PKHD1L1: variants seen among roughly 807,000 people sequenced by gnomAD.
PKHD1L1 encodes PKHD1 like 1, also known as fibrocystin-L.
Under a neutral mutation model 462.9 loss-of-function variants are expected in PKHD1L1, and 434 were observed. That is an observed-to-expected ratio of 0.94 (90% CI 0.87 to 1.02). The LOEUF is 1.02. Among genes scored for constraint, PKHD1L1 ranks in the 50% least tolerant of loss-of-function variants. The pLI is 0.00. For missense variants in PKHD1L1, 5,202 were observed against 5,096.1 expected (o/e 1.02, Z -0.63); for synonymous variants, 1,781 against 1,750.0 (o/e 1.02, Z -0.44).
intron 65 of PKHD1L1, 130 bp downstream of exon 65, chr8:109,497,402 C>T (rs1819155310): frequency 9.0e-7 from 1 of 1,110,308 alleles, no homozygotes; most frequent in African/African-American, 1.6e-5. Flanking sequence ...TGCCTTTGTT[C>T]CCACTGCCCT....
At chr8:109,370,980 T>C (rs1484182175) in intron 2 of PKHD1L1, among the ~76,000 whole-genome samples, 1 of 152,224 alleles carries the variant, frequency 6.6e-6, no homozygotes, top group Non-Finnish European at 1.5e-5. Context: ...CGTGTGCATG[T>C]GTCTTTATAG....
intron 50 of PKHD1L1, among the ~76,000 whole-genome samples, chr8:109,473,551 G>T (rs1023871816): frequency 1.3e-5 from 2 of 151,366 alleles, no homozygotes; most frequent in African/African-American, 4.9e-5. Context: ...AGAAAGAAAA[G>T]AACTCAATTC....
chr8:109,425,674 C>T (rs574444846), intron 24 of PKHD1L1, among the ~76,000 whole-genome samples: 2 of 151,980 alleles, frequency 1.3e-5, no homozygotes, highest in South Asian at 4.2e-4. Context: ...GCATTCATTA[C>T]CTACTGTGGT....
At position 109,429,342 on chromosome 8, in the gene PKHD1L1, T is replaced by C; in HGVS notation, c.3003T>C (p.Ile1001=). 1 of 1,505,900 alleles carries C rather than the reference T, an allele frequency of 6.6e-7. No homozygotes were observed. The highest frequency in any genetic ancestry group is 2.4e-5 in the East Asian group (1 of 42,330). 93.3% of individuals were successfully genotyped at this position (1,505,900 alleles called of 1,614,324 possible). A position where few individuals can be genotyped will look rare whatever the true frequency, so the allele number is the denominator to read the frequency against. The change falls in exon 26 of 78, where the codon ATT becomes ATC. Residue 1001 remains isoleucine, a splice_region_variant and synonymous_variant. Coordinates refer to ENST00000378402, the MANE Select transcript of PKHD1L1 (RefSeq NM_177531.6). ...AAAATAATTGTGTGTAAAAATAGATTAATGATTCCAACATTATTGGAGAAA... is the reference window on the plus strand; with the variant it reads ...AAAATAATTGTGTGTAAAAATAGATCAATGATTCCAACATTATTGGAGAAA... ...STCGKQNLLQ[I]NDSNIIGEKA...
intron 67 of PKHD1L1, among the ~76,000 whole-genome samples, chr8:109,502,577 A>G (rs1218703654): frequency 6.6e-6 from 1 of 152,162 alleles, no homozygotes; most frequent in African/African-American, 2.4e-5. Flanking sequence ...TCAGAACCCA[A>G]CCATCTCTTA....
chr8:109,476,055 C>T (rs1260357414), intron 51 of PKHD1L1, among the ~76,000 whole-genome samples: 1 of 152,018 alleles, frequency 6.6e-6, no homozygotes, highest in Non-Finnish European at 1.5e-5. Context: ...TGTTCTTCCA[C>T]TTATACTACA....
At chr8:109,489,136 G>GGATCTTCTTCTTCTCAA in intron 59 of PKHD1L1, among the ~76,000 whole-genome samples, 1 of 151,884 alleles carries the variant, frequency 6.6e-6, no homozygotes, top group Non-Finnish European at 1.5e-5. Flanking sequence ...TAGAAGAATT[G>GGATCTTCTTCTTCTCAA]CCTCATGGAT....
intron 2 of PKHD1L1, among the ~76,000 whole-genome samples, chr8:109,368,781 A>G (rs1229947060): frequency 6.6e-6 from 1 of 152,078 alleles, no homozygotes; most frequent in African/African-American, 2.4e-5. Context: ...CTATCAGGAG[A>G]CCCAGGTTTG....
chr8:109,440,589 A>T (rs1815721811), intron 32 of PKHD1L1, 121 bp from the exon 33 acceptor site: 2 of 772,818 alleles, frequency 2.6e-6, no homozygotes, highest in South Asian at 6.8e-5. Context: ...ATCTTGAAAA[A>T]GTAATGTACA....
chr8:109,385,558 G>T lies in PKHD1L1; in HGVS notation c.497G>T (p.Gly166Val). The T allele has an allele frequency of 6.2e-7, 1 of 1,603,720 alleles. No individual in the cohort carries two copies. Residue 166 changes from glycine (G) to valine (V), a missense_variant, in exon 6 of 78, where the codon GGC (glycine) becomes GTC (valine). By Grantham distance (109) the Gly-to-Val change is moderately radical (BLOSUM62 -3). Around this residue, in one of 3 missense-constraint regions of PKHD1L1, gnomAD observed 4,497 missense variants for 4,336.8 expected, o/e 1.04. Transcript: ENST00000378402. ...TCAGGTACACTAATAACAATCCAAGGCAGAATCTTCACTGATGTCTATGGA... is the reference window on the plus strand; with the variant it reads ...TCAGGTACACTAATAACAATCCAAGTCAGAATCTTCACTGATGTCTATGGA... ...GTPGTLITIQ[G>V]RIFTDVYGSN...
chr8:109,368,406 G>A (rs1423953593), intron 2 of PKHD1L1, among the ~76,000 whole-genome samples: 1 of 152,206 alleles, frequency 6.6e-6, no homozygotes, highest in Non-Finnish European at 1.5e-5. Flanking sequence ...TTACTCATCA[G>A]TAAAATGGAC....
At chr8:109,465,643 C>A (rs1258740814) in intron 49 of PKHD1L1, among the ~76,000 whole-genome samples, 1 of 152,084 alleles carries the variant, frequency 6.6e-6, no homozygotes, top group Admixed American at 6.6e-5. Flanking sequence ...CAGTCATGCT[C>A]CAGAAACATA....
chr8:109,481,332 C>A, intron 55 of PKHD1L1, 101 bp from the exon 56 acceptor site: 1 of 1,122,580 alleles, frequency 8.9e-7, no homozygotes, highest in Non-Finnish European at 1.2e-6. Flanking sequence ...AAACTCATTC[C>A]TTTTTACTAG....
intron 76 of PKHD1L1, among the ~76,000 whole-genome samples, chr8:109,526,102 G>A (rs1393920572): frequency 6.6e-6 from 1 of 152,090 alleles, no homozygotes; most frequent in Admixed American, 6.5e-5. Context: ...CAAAACTGTG[G>A]GAAGATTTAA....
At chr8:109,370,586 C>G (rs1811453032) in intron 2 of PKHD1L1, among the ~76,000 whole-genome samples, 1 of 151,572 alleles carries the variant, frequency 6.6e-6, no homozygotes, top group African/African-American at 2.4e-5. Flanking sequence ...TATACATGTG[C>G]CATGTTGGTG....
Position 109,477,310 on chromosome 8 carries a change from A to T in PKHD1L1, c.9003A>T (p.Gln3001His). 1 of 1,613,614 alleles carries T rather than the reference A, an allele frequency of 6.2e-7. No homozygotes were observed. Among genetic ancestry groups the T allele is most frequent in the Non-Finnish European group, 8.5e-7 (1 of 1,179,676 alleles). ...TGAAAGACGTTGTTATTAATTTCCA[A>T]GCTTACTGTTGTATTCTCCAGGATT... is the stretch of plus-strand genomic sequence containing the variant. ...PDVKDVVINFQAYCCILQDCF... is the reference protein window; with the variant it reads ...PDVKDVVINFHAYCCILQDCF... The change falls in exon 53 of 78, where the codon CAA becomes CAT. Residue 3001 changes from glutamine to histidine, a missense_variant. This residue lies in a region of PKHD1L1 where 4,497 missense variants were observed against 4,336.8 expected (regional missense o/e 1.04). Transcript: ENST00000378402.
chr8:109,477,032 T>G (rs1019559692), intron 52 of PKHD1L1, among the ~76,000 whole-genome samples, 193 bp from the exon 53 acceptor site: 1 of 152,184 alleles, frequency 6.6e-6, no homozygotes, highest in African/African-American at 2.4e-5. Context: ...AGCATTCATT[T>G]TTATCAAGAT....
chr8:109,396,193 T>G, intron 11 of PKHD1L1, 56 bp downstream of exon 11: 1 of 1,218,072 alleles, frequency 8.2e-7, no homozygotes, highest in Non-Finnish European at 1.2e-6. Flanking sequence ...TGCCTGCTCT[T>G]TAATAATTTG....
rs371589708 is a variant in PKHD1L1, at chr8:109,445,003, T to C, written c.5134T>C (p.Cys1712Arg). The change falls in exon 38 of 78, where the codon TGT becomes CGT. Residue 1712 changes from cysteine to arginine, a missense_variant. This residue lies in a region of PKHD1L1 where 4,497 missense variants were observed against 4,336.8 expected (regional missense o/e 1.04). Coordinates refer to ENST00000378402, the MANE Select transcript of PKHD1L1 (RefSeq NM_177531.6). Reference sequence around the variant, plus strand: ...ATCAGTGAATTATACGGCCATTGAATGTGAAACATCCCCTGCTGCCCAACA... The same window carrying C: ...ATCAGTGAATTATACGGCCATTGAACGTGAAACATCCCCTGCTGCCCAACA... ...VLSVNYTAIE[C>R]ETSPAAQQLV... 5.1e-5 allele frequency: 83 copies of C among 1,613,816 alleles called. No homozygotes were observed. Among genetic ancestry groups the C allele is most frequent in the Non-Finnish European group, 6.8e-5 (80 of 1,179,866 alleles).
Sources: allele counts gnomAD v4.1 joint callset (sites outside exome capture counted in the v4.1 genomes callset), GRCh38; gene constraint gnomAD v4.1.1; regional missense constraint gnomAD v4.1.1; transcripts MANE v1.5; gene names NCBI Gene and HGNC (gene_info 2026-07-23, HGNC 2026-07-21).